The following RARB variants were observed in gnomAD, a reference collection of about 807,000 sequenced individuals.
RARB encodes the protein HBV-activated protein.
A neutral mutation model predicts 51.9 loss-of-function variants in RARB; 17 were observed. That is an observed-to-expected ratio of 0.33 (90% CI 0.22 to 0.49). RARB has a LOEUF of 0.49. Among genes scored for constraint, RARB ranks in the 20% least tolerant of loss-of-function variants. RARB has a pLI of 0.99. For missense variants in RARB, 369 were observed against 550.8 expected (o/e 0.67, Z 3.30); for synonymous variants, 215 against 195.4 (o/e 1.10, Z -0.84).
chr3:25,340,569 A>G (rs1335948230), intron 5 of RARB, among the ~76,000 whole-genome samples: 1 of 152,198 alleles, frequency 6.6e-6, no homozygotes, highest in Admixed American at 6.5e-5. Flanking sequence ...CCAAAACAAA[A>G]CATTACTTAG....
intron 1 of RARB, among the ~76,000 whole-genome samples, chr3:25,440,455 A>T (rs1457682643): frequency 3.3e-5 from 5 of 151,634 alleles, no homozygotes; most frequent in African/African-American, 1.2e-4. Flanking sequence ...TAAAAAATAA[A>T]AAAAAAAAAA....
chr3:24,905,751 C>T (rs558365223), intron 2 of RARB, among the ~76,000 whole-genome samples: 1 of 152,282 alleles, frequency 6.6e-6, no homozygotes, highest in East Asian at 1.9e-4. Context: ...CCTTTAAAAG[C>T]ATCACTGAGC....
intron 5 of RARB, among the ~76,000 whole-genome samples, chr3:25,329,713 C>T (rs1260799107): frequency 1.3e-5 from 2 of 152,150 alleles, no homozygotes; most frequent in Admixed American, 1.3e-4. Flanking sequence ...TAACAAACTC[C>T]TCCAAGCTAA....
At chr3:24,912,972 A>ATATTT (rs1695021504) in intron 2 of RARB, among the ~76,000 whole-genome samples, 3 of 57,636 alleles carry the variant, frequency 5.2e-5, no homozygotes, top group African/African-American at 1.6e-4. Context: ...CAAGGTACTG[A>ATATTT]TTCTTTTTTT....
chr3:24,986,127 AACACTGTGCAG>A (rs1380729223), intron 2 of RARB, among the ~76,000 whole-genome samples: 9 of 152,214 alleles, frequency 5.9e-5, no homozygotes, highest in Non-Finnish European at 1.3e-4. Flanking sequence ...TTTGATTCTG[AACACTGTGCAG>A]TACAGTTCAT....
At chr3:24,994,612 T>C (rs1210026767) in intron 2 of RARB, among the ~76,000 whole-genome samples, 1 of 152,102 alleles carries the variant, frequency 6.6e-6, no homozygotes, top group Admixed American at 6.6e-5. Flanking sequence ...TTTCCTCTAA[T>C]AGTTTTATTG....
intron 3 of RARB, among the ~76,000 whole-genome samples, chr3:25,509,372 A>T (rs984592658): frequency 6.6e-6 from 1 of 152,180 alleles, no homozygotes; most frequent in African/African-American, 2.4e-5. Flanking sequence ...TTTTGGTGAC[A>T]CAGTTTGGTT....
chr3:25,162,022 C>G (rs1700481320), intron 4 of RARB, among the ~76,000 whole-genome samples: 1 of 152,170 alleles, frequency 6.6e-6, no homozygotes, highest in Non-Finnish European at 1.5e-5. Flanking sequence ...TCAGCAGAAC[C>G]TGTGTGGACT....
chr3:25,185,424 A>C (rs1700953247), intron 5 of RARB, among the ~76,000 whole-genome samples: 1 of 152,122 alleles, frequency 6.6e-6, no homozygotes, highest in Admixed American at 6.6e-5. Context: ...ATAATGCTTG[A>C]CTTAATTTCA....
chr3:25,131,394 TCTTGG>T (rs1412927493), intron 3 of RARB, among the ~76,000 whole-genome samples: 3 of 152,054 alleles, frequency 2.0e-5, no homozygotes, highest in African/African-American at 7.2e-5. Context: ...TGGAAAATAG[TCTTGG>T]CAAAGCCTTG....
intron 2 of RARB, among the ~76,000 whole-genome samples, chr3:25,471,421 C>G (rs1423266139): frequency 1.3e-5 from 2 of 152,140 alleles, no homozygotes. Flanking sequence ...CTACCTTTTC[C>G]TAGTAATAAT....
chr3:25,047,709 C>T (rs1698245486), intron 2 of RARB, among the ~76,000 whole-genome samples: 1 of 152,174 alleles, frequency 6.6e-6, no homozygotes. Context: ...CAGAGAGGCT[C>T]AACAAATTTG....
At chr3:25,418,763 T>C (rs138107549) in intron 5 of RARB, among the ~76,000 whole-genome samples, 30 of 152,192 alleles carry the variant, frequency 2.0e-4, no homozygotes, top group African/African-American at 6.7e-4. Flanking sequence ...GGAAAATCCC[T>C]AAGAGAAAAC....
chr3:25,449,210 G>A (rs1031846818), intron 1 of RARB, among the ~76,000 whole-genome samples: 1 of 151,936 alleles, frequency 6.6e-6, no homozygotes, highest in Non-Finnish European at 1.5e-5. Context: ...TTGGACTGCC[G>A]CCAGAGGCCT....
At chr3:25,583,701 C>T (rs866158713) in intron 5 of RARB, among the ~76,000 whole-genome samples, 10 of 152,196 alleles carry the variant, frequency 6.6e-5, no homozygotes, top group African/African-American at 1.4e-4. Flanking sequence ...AGCCTTTGCT[C>T]GGTGGGGACC....
At chr3:25,403,605 A>G (rs1707323337) in intron 5 of RARB, among the ~76,000 whole-genome samples, 1 of 152,194 alleles carries the variant, frequency 6.6e-6, no homozygotes, top group African/African-American at 2.4e-5. Flanking sequence ...GCTTAACTTT[A>G]GAACCAGAAT....
At chr3:24,999,456 G>A (rs558624572) in intron 2 of RARB, among the ~76,000 whole-genome samples, 10 of 152,260 alleles carry the variant, frequency 6.6e-5, no homozygotes, top group East Asian at 5.8e-4. Flanking sequence ...CCCACATAGC[G>A]TGGATATTGT....
chr3:25,055,122 A>G (rs910085414), intron 2 of RARB, among the ~76,000 whole-genome samples: 14 of 152,312 alleles, frequency 9.2e-5, no homozygotes, highest in African/African-American at 3.4e-4. Context: ...GCAATTCTCA[A>G]GAGTAACAAA....
intron 2 of RARB, among the ~76,000 whole-genome samples, chr3:24,979,317 C>G (rs1029755891): frequency 6.6e-6 from 1 of 151,748 alleles, no homozygotes; most frequent in Admixed American, 6.6e-5. Flanking sequence ...TGTTAATTTT[C>G]TGTCTCACAG....
Sources: allele counts gnomAD v4.1 joint callset (sites outside exome capture counted in the v4.1 genomes callset), GRCh38; gene constraint gnomAD v4.1.1; transcripts MANE v1.5; gene names NCBI Gene and HGNC (gene_info 2026-07-23, HGNC 2026-07-21).